Variants in FLNB observed in about 807,000 individuals in gnomAD.
FLNB encodes the protein filamin-B.
Under a neutral mutation model 250.6 loss-of-function variants are expected in FLNB, and 111 were observed. The ratio of observed to expected loss-of-function variants is 0.44; its 90% confidence interval spans 0.38 to 0.52. The LOEUF (loss-of-function observed/expected upper bound fraction) is 0.52. FLNB is among the 20% of genes least tolerant of loss of function. The pLI is 0.00. For synonymous variants in FLNB, 1,302 were observed against 1,372.1 expected (o/e 0.95, Z 1.13); for missense variants, 2,869 against 3,447.8 (o/e 0.83, Z 4.20).
intron 43 of FLNB, chr3:58,165,613 A>T (rs1559742455): frequency 1.3e-5 from 2 of 152,302 alleles, no homozygotes; most frequent in East Asian, 3.9e-4. Flanking sequence ...CTCAAGCTTT[A>T]AATGGTCCAT....
chr3:58,117,286 C>T (rs1403419168), intron 18 of FLNB, among the ~76,000 whole-genome samples: 2 of 151,982 alleles, frequency 1.3e-5, no homozygotes, highest in Non-Finnish European at 1.5e-5. Flanking sequence ...AGATTTTTTC[C>T]CTCCCCCTTC....
At chr3:58,082,679 G>C (rs887648056) in intron 4 of FLNB, among the ~76,000 whole-genome samples, 15 of 152,062 alleles carry the variant, frequency 9.9e-5, no homozygotes, top group African/African-American at 3.6e-4. Flanking sequence ...GCTGAGGCAG[G>C]AGAATCGCTT....
Position 58,163,278 on chromosome 3 carries a change from G to T in FLNB, c.7146G>T (p.Gly2382=). Residue 2382 remains glycine (G), a synonymous_variant, in exon 43 of 46, where the codon GGG becomes GGT. Transcript: ENST00000295956. ...GCGTTGGGGAGCCTGGACAAGCGGG[G>T]AACCCTGCCCTGGTGTCCGCCTATG... ...KVRVGEPGQA[G]NPALVSAYGT... 1 of 1,614,216 alleles carries T rather than the reference G, an allele frequency of 6.2e-7. No individual in the cohort carries two copies. Among genetic ancestry groups the T allele is most frequent in the Non-Finnish European group, 8.5e-7 (1 of 1,180,030 alleles).
At chr3:58,049,460 G>A (rs753170831) in intron 1 of FLNB, among the ~76,000 whole-genome samples, 5 of 152,168 alleles carry the variant, frequency 3.3e-5, no homozygotes, top group Non-Finnish European at 5.9e-5. Flanking sequence ...AGGCTCCAGG[G>A]AGCCATTGTC....
chr3:58,073,953 C>T (rs2097198228), intron 1 of FLNB, among the ~76,000 whole-genome samples: 1 of 152,178 alleles, frequency 6.6e-6, no homozygotes. Context: ...TCCTCACAGC[C>T]AGCAAGAGAA....
intron 23 of FLNB, 62 bp from the exon 24 acceptor site, chr3:58,126,540 G>T: frequency 6.5e-7 from 1 of 1,539,892 alleles, no homozygotes; most frequent in Non-Finnish European, 9.0e-7. Context: ...ATGAATTTTG[G>T]CAATAAGCAG....
intron 26 of FLNB, among the ~76,000 whole-genome samples, chr3:58,134,150 G>T (rs570084637): frequency 1.3e-5 from 2 of 152,326 alleles, no homozygotes; most frequent in South Asian, 2.1e-4. Context: ...CACGGTGGTG[G>T]GTGAGCCATC....
At chr3:58,057,399 C>T (rs1025257914) in intron 1 of FLNB, among the ~76,000 whole-genome samples, 1 of 152,240 alleles carries the variant, frequency 6.6e-6, no homozygotes, top group African/African-American at 2.4e-5. Flanking sequence ...CCCAATCTGT[C>T]CTGTCTGCCT....
intron 9 of FLNB, among the ~76,000 whole-genome samples, chr3:58,103,117 C>G (rs546721999): frequency 6.6e-6 from 1 of 152,252 alleles, no homozygotes; most frequent in South Asian, 2.1e-4. Context: ...ATTCTGAGCT[C>G]CAGAAAGTTA....
At chr3:58,021,008 G>A (rs1427874639) in intron 1 of FLNB, among the ~76,000 whole-genome samples, 1 of 152,076 alleles carries the variant, frequency 6.6e-6, no homozygotes. Context: ...GCTAAAATAG[G>A]ATTTCTCAGT....
chr3:58,083,923 G>A (rs1030506228), intron 4 of FLNB, among the ~76,000 whole-genome samples: 1 of 151,988 alleles, frequency 6.6e-6, no homozygotes, highest in Non-Finnish European at 1.5e-5. Context: ...GGCCGGGCTT[G>A]GTGGCTCACA....
chr3:58,148,709 A>C lies in FLNB; in HGVS notation c.5948A>C (p.Asn1983Thr). The change falls in exon 36 of 46, where the codon AAC (asparagine) becomes ACC (threonine). Residue 1983 changes from asparagine (N) to threonine (T), a missense_variant. Physicochemically the swap from Asn to Thr is moderately conservative, Grantham distance 65. Coordinates refer to ENST00000295956, the MANE Select transcript of FLNB (RefSeq NM_001457.4). The part of the protein sequence containing the change: ...EHLVSIKKNG[N>T]HVANSPVSIM... The stretch of plus-strand genomic sequence containing the variant: ...CTGGTCAGCATCAAGAAAAATGGCA[A>C]CCATGTGGCCAACAGCCCCGTGTCT... 1 of 1,613,852 alleles carries C rather than the reference A, an allele frequency of 6.2e-7. No homozygotes were observed. The highest frequency in any genetic ancestry group is 8.5e-7 in the Non-Finnish European group (1 of 1,179,948).
At position 58,148,792 on chromosome 3, in the gene FLNB, G is replaced by A. The variant is rs781212517; in HGVS notation, c.6031G>A (p.Gly2011Ser). Residue 2011 changes from glycine (G) to serine (S), a missense_variant, in exon 36 of 46, where the codon GGC becomes AGC. Around this residue, in one of 5 missense-constraint regions of FLNB, gnomAD observed 1,084 missense variants for 1,315.5 expected, o/e 0.82. Transcript: ENST00000295956. The part of the protein sequence containing the change: ...DARRAKVYGR[G>S]LSEGRTFEMS... ...CCGCCGAGCCAAAGTCTATGGCCGC[G>A]GCCTGTCAGAAGGCCGGACTTTCGA... is the stretch of plus-strand genomic sequence containing the variant. 1.6e-5 allele frequency: 26 copies of A among 1,613,906 alleles called. No homozygotes were observed. Among genetic ancestry groups the A allele is most frequent in the Non-Finnish European group, 2.0e-5 (24 of 1,180,030 alleles).
intron 4 of FLNB, among the ~76,000 whole-genome samples, chr3:58,093,862 C>T (rs1358864890): frequency 1.3e-5 from 2 of 152,078 alleles, no homozygotes; most frequent in Non-Finnish European, 2.9e-5. Flanking sequence ...GTGAAAAAGG[C>T]CACTCCTAAA....
intron 38 of FLNB, chr3:58,152,813 C>T (rs753961557): frequency 1.7e-6 from 2 of 1,205,332 alleles, no homozygotes; most frequent in Non-Finnish European, 2.2e-6. Flanking sequence ...ATGCGGCCGC[C>T]TGGCCTCACC....
intron 1 of FLNB, among the ~76,000 whole-genome samples, chr3:58,038,224 T>G (rs2097140927): frequency 1.3e-5 from 2 of 152,156 alleles, no homozygotes; most frequent in African/African-American, 2.4e-5. Flanking sequence ...AGATGGGTTT[T>G]TGCCATGTTG....
chr3:58,142,552 C>A lies in FLNB; in HGVS notation c.5182-98C>A. 9.5e-7 allele frequency: 1 copy of A among 1,051,238 alleles called. No individual in the cohort carries two copies. Among genetic ancestry groups the A allele is most frequent in the Non-Finnish European group, 1.5e-6 (1 of 686,738 alleles). The allele number at this position is 1,051,238 out of a possible 1,614,324, so 65.1% of individuals were successfully genotyped here. On this transcript the variant is annotated intron_variant, in intron 30 of 45. Transcript: ENST00000295956. The surrounding 1 kb of genome is among the most constrained non-coding windows in gnomAD (Gnocchi z 4.3). Reference sequence around the variant, plus strand: ...CAGCCGCATTCCCAAATCCCGGCCTCACTGGCTTGTAGAATTCCCAGCAGC... The same window carrying A: ...CAGCCGCATTCCCAAATCCCGGCCTAACTGGCTTGTAGAATTCCCAGCAGC...
Position 58,084,554 on chromosome 3 carries a change from T to TA in FLNB, c.787+2778_787+2779insA, listed in dbSNP as rs768540091. Reference sequence around the variant, plus strand: ...GCACTTGTAGAGGAAACACACCCTTTTAAAAAAAAATTTTTTTTTATATGT... The same window carrying TA: ...GCACTTGTAGAGGAAACACACCCTTTATAAAAAAAAATTTTTTTTTATATGT... On this transcript the variant is annotated intron_variant, in intron 4 of 45. Coordinates refer to ENST00000295956, the MANE Select transcript of FLNB (RefSeq NM_001457.4). Among the ~76,000 whole-genome samples, 45 of 115,024 alleles carry TA rather than the reference T, an allele frequency of 3.9e-4. No homozygotes were observed. In the South Asian group the frequency reaches 0.014, roughly 36 times the overall value. 75.5% of individuals were successfully genotyped at this position (115,024 alleles called of 152,430 possible). A position where few individuals can be genotyped will look rare whatever the true frequency, so the allele number is the denominator to read the frequency against.
chr3:58,136,146 T>C lies in FLNB; in HGVS notation c.4839T>C (p.Asp1613=), dbSNP rs2097315506. Residue 1613 remains aspartate (D), a synonymous_variant, in exon 28 of 46, where the codon GAT becomes GAC. Transcript: ENST00000295956. ...GCATCCGAGCCACACAGACGGGTGA[T>C]GCCAGCAAGTGCCTGGCCACGGGTG... ...PYRIRATQTG[D]ASKCLATGPG... The C allele has an allele frequency of 1.2e-6, 2 of 1,614,228 alleles. No homozygotes were observed. The highest frequency in any genetic ancestry group is 1.7e-6 in the Non-Finnish European group (2 of 1,180,040).
Sources: allele counts gnomAD v4.1 joint callset (sites outside exome capture counted in the v4.1 genomes callset), GRCh38; gene constraint gnomAD v4.1.1; regional missense constraint gnomAD v4.1.1; non-coding constraint Gnocchi (gnomAD v3.1); transcripts MANE v1.5; gene names NCBI Gene and HGNC (gene_info 2026-07-23, HGNC 2026-07-21).